PAK3: variants seen among roughly 807,000 people sequenced by gnomAD.
PAK3 encodes the protein p21 (RAC1) activated kinase 3.
A neutral mutation model predicts 41.0 loss-of-function variants in PAK3; 4 were observed. The ratio of observed to expected loss-of-function variants is 0.10; its 90% CI spans 0.05 to 0.22. The LOEUF is 0.22. Among genes scored for constraint, PAK3 ranks in the 10% least tolerant of loss-of-function variants. PAK3 has a pLI of 1.00. For synonymous variants in PAK3, 146 were observed against 139.6 expected (o/e 1.05, Z -0.32); for missense variants, 205 against 409.9 (o/e 0.50, Z 4.32).
At chrX:111,015,757 ATGCCCAT>A (rs1171356203) in intron 1 of PAK3, among the ~76,000 whole-genome samples, 1 of 112,261 alleles carries the variant, frequency 8.9e-6, no homozygotes, top group Non-Finnish European at 1.9e-5. Context: ...CTTTGGAGAA[ATGCCCAT>A]TCAAATCCTT....
At chrX:110,947,862 T>C (rs1462294632) in intron 1 of PAK3, among the ~76,000 whole-genome samples, 4 of 111,036 alleles carry the variant, frequency 3.6e-5, no homozygotes, top group Non-Finnish European at 5.7e-5. Flanking sequence ...TTTCCTTCCT[T>C]CCCCCCTCTT....
intron 1 of PAK3, among the ~76,000 whole-genome samples, chrX:111,056,011 C>G (rs2092602138): frequency 9.0e-6 from 1 of 110,950 alleles, no homozygotes; most frequent in Non-Finnish European, 1.9e-5. Context: ...TTCCCTTTCT[C>G]TCTCACCCAA....
intron 1 of PAK3, among the ~76,000 whole-genome samples, chrX:110,972,214 G>A (rs1165390113): frequency 9.0e-6 from 1 of 111,347 alleles, no homozygotes; most frequent in Non-Finnish European, 1.9e-5. Context: ...TAGCAGTGAT[G>A]AGAGTAGAAA....
intron 14 of PAK3, among the ~76,000 whole-genome samples, chrX:111,194,759 T>C (rs1364859168): frequency 8.9e-6 from 1 of 112,247 alleles, no homozygotes; most frequent in Admixed American, 9.4e-5. Flanking sequence ...AGTTTTTACA[T>C]GATACTTATT....
At chrX:111,046,377 C>T (rs2092498612) in intron 1 of PAK3, among the ~76,000 whole-genome samples, 1 of 111,702 alleles carries the variant, frequency 9.0e-6, no homozygotes, top group Admixed American at 9.6e-5. Flanking sequence ...AAGAGTATGA[C>T]TTAAAACAAG....
chrX:111,197,865 T>C (rs2094633272), intron 16 of PAK3, among the ~76,000 whole-genome samples: 1 of 111,541 alleles, frequency 9.0e-6, no homozygotes, highest in South Asian at 3.8e-4. Flanking sequence ...TGGTTAATTT[T>C]TTATATTTTT....
chrX:111,137,626 A>T (rs2093809582), intron 5 of PAK3, among the ~76,000 whole-genome samples: 1 of 111,890 alleles, frequency 8.9e-6, no homozygotes, highest in Non-Finnish European at 1.9e-5. Context: ...AAAAGGTGAT[A>T]GATGACTAGA....
chrX:110,952,579 A>G (rs1028197007), intron 1 of PAK3, among the ~76,000 whole-genome samples: 2 of 110,065 alleles, frequency 1.8e-5, no homozygotes, highest in African/African-American at 3.3e-5. Flanking sequence ...GTACTTACCC[A>G]TCATTCACTT....
At chrX:111,138,925 G>A (rs1016590702) in intron 5 of PAK3, among the ~76,000 whole-genome samples, 1 of 110,399 alleles carries the variant, frequency 9.1e-6, no homozygotes, top group Non-Finnish European at 1.9e-5. Flanking sequence ...CAGAGATCAC[G>A]CCACTGTACT....
At chrX:111,026,246 A>G (rs759672787) in intron 1 of PAK3, among the ~76,000 whole-genome samples, 1 of 111,825 alleles carries the variant, frequency 8.9e-6, no homozygotes, top group East Asian at 2.8e-4. Flanking sequence ...AACTGGAACA[A>G]GATAAGGCTG....
intron 1 of PAK3, among the ~76,000 whole-genome samples, chrX:111,009,988 GA>G (rs1439404090): frequency 3.6e-5 from 4 of 109,956 alleles, no homozygotes; most frequent in African/African-American, 6.6e-5. Flanking sequence ...ATAATTAACA[GA>G]AAAAAAAATA....
intron 10 of PAK3, among the ~76,000 whole-genome samples, chrX:111,166,697 C>G (rs2094259779): frequency 9.0e-6 from 1 of 111,672 alleles, no homozygotes; most frequent in South Asian, 3.7e-4. Flanking sequence ...ATCATAGACC[C>G]ATTGCTATTA....
At chrX:111,107,510 C>T (rs2093292803) in intron 4 of PAK3, among the ~76,000 whole-genome samples, 1 of 112,062 alleles carries the variant, frequency 8.9e-6, no homozygotes, top group African/African-American at 3.2e-5. Flanking sequence ...CAGGAGTGAA[C>T]TAATGGATCA....
intron 5 of PAK3, among the ~76,000 whole-genome samples, chrX:111,140,308 G>T (rs984654430): frequency 9.0e-6 from 1 of 111,711 alleles, no homozygotes; most frequent in African/African-American, 3.3e-5. Flanking sequence ...AAAGGTCACT[G>T]AGAAAGGAGG....
chrX:110,952,764 A>G (rs1269765297), intron 1 of PAK3, among the ~76,000 whole-genome samples: 1 of 111,850 alleles, frequency 8.9e-6, no homozygotes, highest in African/African-American at 3.3e-5. Context: ...TTTAGATTGT[A>G]TCTAATATTT....
chrX:111,151,908 A>G (rs747279248), intron 7 of PAK3, among the ~76,000 whole-genome samples: 16 of 112,105 alleles, frequency 1.4e-4, no homozygotes, highest in Middle Eastern at 4.6e-3. Flanking sequence ...GAGTAGGTAC[A>G]CTGGACAAAG....
chrX:111,101,411 G>A (rs945752264), intron 3 of PAK3, among the ~76,000 whole-genome samples: 17 of 112,146 alleles, frequency 1.5e-4, no homozygotes, highest in African/African-American at 5.5e-4. Flanking sequence ...AGGTTGCCAT[G>A]GAGTTAAAAA....
At chrX:111,196,662 G>T (rs2094615323) in intron 16 of PAK3, 22 bp downstream of exon 16, 3 of 1,085,863 alleles carry the variant, frequency 2.8e-6, no homozygotes, top group Non-Finnish European at 2.6e-6. Context: ...GAGAAGTCAG[G>T]TACTTTATTC....
chrX:111,030,339 A>G (rs1232638588), intron 1 of PAK3, among the ~76,000 whole-genome samples: 1 of 111,197 alleles, frequency 9.0e-6, no homozygotes, highest in East Asian at 2.8e-4. Context: ...GGGAATGTGT[A>G]GTGAGAAGGA....
Sources: allele counts gnomAD v4.1 joint callset (sites outside exome capture counted in the v4.1 genomes callset), GRCh38; gene constraint gnomAD v4.1.1; transcripts MANE v1.5; gene names NCBI Gene and HGNC (gene_info 2026-07-23, HGNC 2026-07-21).